ATRX: variants seen among roughly 807,000 people sequenced by gnomAD.
The protein encoded by ATRX is chromatin remodeler ATRX.
Under a neutral mutation model 172.6 loss-of-function variants are expected in ATRX, and 12 were observed. The observed-to-expected ratio is 0.07, with a 90% CI of 0.04 to 0.11. The LOEUF is 0.11. ATRX is among the 10% of genes least tolerant of loss of function. The pLI is 1.00. For synonymous variants in ATRX, 674 were observed against 594.7 expected, an observed-to-expected ratio of 1.13 and a Z score of -1.94; for missense variants, 1,368 against 1,767.4, an observed-to-expected ratio of 0.77 and a Z score of 4.05.
chrX:77,652,039 G>T, intron 15 of ATRX, 75 bp downstream of exon 15: 1 of 1,117,954 alleles, frequency 8.9e-7, no homozygotes, highest in Non-Finnish European at 1.2e-6. Flanking sequence ...GAGCCCAAGA[G>T]TTCGAGGCCA....
chrX:77,541,952 TG>T (rs1274776369), intron 30 of ATRX, among the ~76,000 whole-genome samples: 1 of 111,556 alleles, frequency 9.0e-6, no homozygotes, highest in Non-Finnish European at 1.9e-5. Context: ...AACATAGTAT[TG>T]GAAGTTCTGG....
intron 1 of ATRX, among the ~76,000 whole-genome samples, chrX:77,723,329 T>C (rs782767070): frequency 1.8e-5 from 2 of 111,780 alleles, no homozygotes; most frequent in South Asian, 7.5e-4. Context: ...CTTCTAGATA[T>C]ACACATAAGA....
rs45574238 is a variant in ATRX at position 77,696,659 on chromosome X, T to C, written c.288A>G (p.Lys96=). The C allele has an allele frequency of 7.7e-3, 9,233 of 1,196,425 alleles. 556 individuals are homozygous for C. In the Admixed American group the frequency reaches 0.17, roughly 21 times the overall value. ...CATTTACAGTTTCATCATCCAAAGGTTTTTCATCATCTGATTCTACATACT... is the reference window on the plus strand; with the variant it reads ...CATTTACAGTTTCATCATCCAAAGGCTTTTCATCATCTGATTCTACATACT... ...VTKYVESDDE[K]PLDDETVNED... is the part of the protein sequence containing the mutation. The change falls in exon 5 of 35, where the codon AAA becomes AAG. Residue 96 remains lysine (K), a synonymous_variant. Coordinates refer to ENST00000373344, the MANE Select transcript of ATRX (RefSeq NM_000489.6).
chrX:77,684,609 G>C lies in ATRX; in HGVS notation c.663-16C>G, dbSNP rs781981978. On this transcript the variant is annotated splice_polypyrimidine_tract_variant and intron_variant, in intron 8 of 34. Transcript: ENST00000373344. Reference sequence around the variant, plus strand: ...CGCACACCACCTGAAATGTTTTAAAGATTAAAACATTATTCCCTTCTTTCA... The same window carrying C: ...CGCACACCACCTGAAATGTTTTAAACATTAAAACATTATTCCCTTCTTTCA... 1.0e-5 allele frequency: 12 copies of C among 1,184,374 alleles called. No homozygotes were observed. The highest frequency in any genetic ancestry group is 1.4e-5 in the Non-Finnish European group (12 of 873,440).
intron 1 of ATRX, among the ~76,000 whole-genome samples, chrX:77,777,389 A>G (rs979736791): frequency 3.0e-5 from 3 of 99,631 alleles, no homozygotes; most frequent in Admixed American, 1.1e-4. Flanking sequence ...TCAACAAAAC[A>G]AAACAAAACA....
chrX:77,568,550 T>C (rs1316251524), intron 28 of ATRX, among the ~76,000 whole-genome samples: 1 of 112,031 alleles, frequency 8.9e-6, no homozygotes, highest in Non-Finnish European at 1.9e-5. Context: ...TTACCAAACA[T>C]TTAAGATTAA....
chrX:77,545,078 CAA>C (rs1557052721), intron 30 of ATRX, among the ~76,000 whole-genome samples: 1 of 112,409 alleles, frequency 8.9e-6, no homozygotes, highest in Non-Finnish European at 1.9e-5. Flanking sequence ...TCTAGCTTTT[CAA>C]AAGAGTATAT....
chrX:77,616,332 G>T, intron 22 of ATRX: 1 of 932,728 alleles, frequency 1.1e-6, no homozygotes, highest in Non-Finnish European at 1.4e-6. Context: ...TTCTTTTATG[G>T]ATTTATTCAC....
At chrX:77,600,800 T>A (rs1236459943) in intron 22 of ATRX, 6 of 288,252 alleles carry the variant, frequency 2.1e-5, no homozygotes, top group Non-Finnish European at 1.2e-5. Context: ...ATGTGCTTTT[T>A]AAAATTAATG....
chrX:77,527,607 C>T (rs1557044326), intron 30 of ATRX, among the ~76,000 whole-genome samples: 1 of 111,784 alleles, frequency 8.9e-6, no homozygotes, highest in African/African-American at 3.3e-5. Flanking sequence ...TCTGCATGCT[C>T]CTGCCCCGGG....
At chrX:77,762,165 G>C (rs781810645) in intron 1 of ATRX, among the ~76,000 whole-genome samples, 1 of 109,247 alleles carries the variant, frequency 9.2e-6, no homozygotes, top group Admixed American at 9.9e-5. Context: ...TTAGCCAGGC[G>C]TGGTGGCAGG....
At chrX:77,515,655 C>A (rs1459326292) in intron 34 of ATRX, among the ~76,000 whole-genome samples, 3 of 111,828 alleles carry the variant, frequency 2.7e-5, no homozygotes, top group Non-Finnish European at 5.6e-5. Context: ...GCTACTAATG[C>A]CTCTGCATTT....
chrX:77,747,246 A>G (rs2075118764), intron 1 of ATRX, among the ~76,000 whole-genome samples: 1 of 111,663 alleles, frequency 9.0e-6, no homozygotes, highest in South Asian at 3.7e-4. Flanking sequence ...AAAATCAGCC[A>G]GACGCAGTAG....
At chrX:77,653,994 G>T in intron 14 of ATRX, 104 bp downstream of exon 14, 1 of 654,175 alleles carries the variant, frequency 1.5e-6, no homozygotes. Context: ...ATGTAAATAA[G>T]CCAGTACAAT....
chrX:77,774,570 G>A (rs1163301111), intron 1 of ATRX, among the ~76,000 whole-genome samples: 3 of 110,529 alleles, frequency 2.7e-5, no homozygotes, highest in African/African-American at 3.3e-5. Context: ...CCAGCTACTC[G>A]GGAGGCTGAG....
intron 34 of ATRX, among the ~76,000 whole-genome samples, chrX:77,518,015 A>T (rs1323348220): frequency 3.6e-5 from 4 of 112,021 alleles, no homozygotes; most frequent in Non-Finnish European, 5.6e-5. Flanking sequence ...GAAGGAACAT[A>T]CCTCAACACA....
At chrX:77,715,996 A>G (rs2073356672) in intron 2 of ATRX, among the ~76,000 whole-genome samples, 2 of 109,704 alleles carry the variant, frequency 1.8e-5, no homozygotes, top group East Asian at 2.8e-4. Context: ...GGAACCAGGT[A>G]CAATGGCTCA....
chrX:77,722,599 A>C (rs782224263), intron 1 of ATRX, among the ~76,000 whole-genome samples: 5 of 112,117 alleles, frequency 4.5e-5, no homozygotes, highest in Non-Finnish European at 9.4e-5. Flanking sequence ...AAAACTCATC[A>C]TCACTGGTCA....
intron 15 of ATRX, among the ~76,000 whole-genome samples, chrX:77,641,843 T>C (rs782296508): frequency 2.7e-5 from 3 of 110,705 alleles, no homozygotes; most frequent in African/African-American, 9.8e-5. Flanking sequence ...GCATAATATA[T>C]AAGTCCCAAA....
Sources: gnomAD v4.1 joint callset for allele counts (sites outside exome capture counted in the v4.1 genomes callset) on GRCh38, gnomAD v4.1.1 for gene constraint, MANE v1.5 for transcripts, NCBI Gene and HGNC (gene_info 2026-07-23, HGNC 2026-07-21) for gene names.